Variants in GRM1 observed in about 807,000 individuals in gnomAD.
The protein encoded by GRM1 is metabotropic glutamate receptor 1.
Under a neutral mutation model 90.9 loss-of-function variants are expected in GRM1, and 33 were observed. The observed-to-expected ratio is 0.36, with a 90% CI of 0.28 to 0.49. GRM1 has a LOEUF of 0.49. Among genes scored for constraint, GRM1 ranks in the 20% least tolerant of loss-of-function variants. The pLI, the probability that GRM1 is intolerant of heterozygous loss-of-function variation, is 0.99. For missense variants in GRM1, 1,190 were observed against 1,534.3 expected (o/e 0.78, Z 3.75); for synonymous variants, 700 against 613.2 (o/e 1.14, Z -2.09).
At chr6:146,034,775 C>T (rs1790824593) in intron 1 of GRM1, among the ~76,000 whole-genome samples, 2 of 151,924 alleles carry the variant, frequency 1.3e-5, no homozygotes, top group African/African-American at 4.8e-5. Context: ...GCTTTTCCTC[C>T]TCTTACTATA....
At chr6:146,417,771 C>A (rs1488546301) in intron 7 of GRM1, among the ~76,000 whole-genome samples, 1 of 152,072 alleles carries the variant, frequency 6.6e-6, no homozygotes, top group African/African-American at 2.4e-5. Flanking sequence ...ATAATTATTT[C>A]TTCTTTTCAA....
intron 2 of GRM1, among the ~76,000 whole-genome samples, chr6:146,242,139 T>C (rs1780887220): frequency 6.6e-6 from 1 of 152,122 alleles, no homozygotes; most frequent in Admixed American, 6.6e-5. Context: ...TCACCCTATA[T>C]GGGGTTAAGA....
chr6:146,203,329 G>A (rs531126195), intron 2 of GRM1, among the ~76,000 whole-genome samples: 1 of 152,046 alleles, frequency 6.6e-6, no homozygotes, highest in African/African-American at 2.4e-5. Flanking sequence ...CATTTGTGCC[G>A]CTATTCCCTC....
chr6:146,317,487 A>T (rs1335445136), intron 3 of GRM1, among the ~76,000 whole-genome samples: 1 of 152,024 alleles, frequency 6.6e-6, no homozygotes, highest in East Asian at 1.9e-4. Context: ...CTTGTATTTT[A>T]TGTTTCATTG....
chr6:146,077,801 G>A (rs1582968620), intron 1 of GRM1, among the ~76,000 whole-genome samples: 1 of 152,140 alleles, frequency 6.6e-6, no homozygotes, highest in Admixed American at 6.5e-5. Flanking sequence ...GCCCTGGTAT[G>A]GGCATAGAGG....
At chr6:146,319,841 T>A (rs1225201705) in intron 3 of GRM1, among the ~76,000 whole-genome samples, 1 of 152,246 alleles carries the variant, frequency 6.6e-6, no homozygotes, top group Non-Finnish European at 1.5e-5. Flanking sequence ...CTAAAGTTGC[T>A]TATCAGCTTA....
chr6:146,238,499 T>A (rs1780732415), intron 2 of GRM1, among the ~76,000 whole-genome samples: 2 of 152,148 alleles, frequency 1.3e-5, no homozygotes, highest in African/African-American at 4.8e-5. Context: ...GGTATTTTGT[T>A]TCATTATCTA....
At chr6:146,417,312 C>T (rs1463138833) in intron 7 of GRM1, among the ~76,000 whole-genome samples, 1 of 152,168 alleles carries the variant, frequency 6.6e-6, no homozygotes, top group African/African-American at 2.4e-5. Flanking sequence ...TTGTTGTTTT[C>T]AGTGGGAGAG....
At chr6:146,049,828 C>G (rs1360362734) in intron 1 of GRM1, among the ~76,000 whole-genome samples, 1 of 151,818 alleles carries the variant, frequency 6.6e-6, no homozygotes, top group Admixed American at 6.6e-5. Flanking sequence ...TGCAATTGTT[C>G]AATGTTCATT....
intron 1 of GRM1, among the ~76,000 whole-genome samples, chr6:146,142,590 C>T (rs1055979106): frequency 6.6e-6 from 1 of 152,018 alleles, no homozygotes; most frequent in Non-Finnish European, 1.5e-5. Context: ...ACACCAGCTG[C>T]GCTGGCACTC....
At chr6:146,069,827 C>T (rs1292258476) in intron 1 of GRM1, among the ~76,000 whole-genome samples, 1 of 152,144 alleles carries the variant, frequency 6.6e-6, no homozygotes, top group African/African-American at 2.4e-5. Context: ...TTACTATATG[C>T]TAAATGCTGT....
At chr6:146,191,969 A>G (rs1039482282) in intron 2 of GRM1, among the ~76,000 whole-genome samples, 1 of 152,192 alleles carries the variant, frequency 6.6e-6, no homozygotes, top group East Asian at 1.9e-4. Context: ...AGTAGTTGGA[A>G]AAATTGGGAT....
At chr6:146,291,582 A>G (rs1292496892) in intron 2 of GRM1, among the ~76,000 whole-genome samples, 2 of 151,854 alleles carry the variant, frequency 1.3e-5, no homozygotes, top group Non-Finnish European at 2.9e-5. Flanking sequence ...AAACGTAACC[A>G]TGAGGAAGTG....
At chr6:146,386,771 G>C in intron 5 of GRM1, 119 bp from the exon 6 acceptor site, 6 of 748,840 alleles carry the variant, frequency 8.0e-6, no homozygotes. Flanking sequence ...CAGCATATAA[G>C]ATTATTTTCA....
intron 1 of GRM1, among the ~76,000 whole-genome samples, chr6:146,142,454 C>T (rs1776915430): frequency 6.6e-6 from 1 of 152,114 alleles, no homozygotes; most frequent in Non-Finnish European, 1.5e-5. Context: ...TGTGACAAAA[C>T]AAGTCAGGCT....
intron 1 of GRM1, among the ~76,000 whole-genome samples, chr6:146,082,800 G>A (rs1776408380): frequency 6.6e-6 from 1 of 152,142 alleles, no homozygotes; most frequent in African/African-American, 2.4e-5. Context: ...GATGGGAATA[G>A]CATTGAATCT....
intron 2 of GRM1, among the ~76,000 whole-genome samples, chr6:146,257,181 G>A (rs985528826): frequency 1.3e-4 from 20 of 151,630 alleles, no homozygotes; most frequent in Non-Finnish European, 2.6e-4. Context: ...ATTCTCTTAC[G>A]GCATGTAGAC....
intron 1 of GRM1, among the ~76,000 whole-genome samples, chr6:146,148,838 T>C (rs1409580379): frequency 6.6e-6 from 1 of 152,096 alleles, no homozygotes; most frequent in Non-Finnish European, 1.5e-5. Context: ...AATTTGGAGG[T>C]AATTTTTCTG....
At chr6:146,276,156 TA>T (rs1299566720) in intron 2 of GRM1, among the ~76,000 whole-genome samples, 1 of 152,186 alleles carries the variant, frequency 6.6e-6, no homozygotes, top group East Asian at 1.9e-4. Flanking sequence ...AGAGCTATCT[TA>T]AAATTTATTT....
Sources: allele counts gnomAD v4.1 joint callset (sites outside exome capture counted in the v4.1 genomes callset), GRCh38; gene constraint gnomAD v4.1.1; transcripts MANE v1.5; gene names NCBI Gene and HGNC (gene_info 2026-07-23, HGNC 2026-07-21).